The following RBM19 variants were observed in gnomAD, a reference collection of about 807,000 sequenced individuals.
The protein encoded by RBM19 is RNA binding motif protein 19.
A neutral mutation model predicts 116.8 loss-of-function variants in RBM19; 94 were observed. The observed-to-expected ratio is 0.80, with a 90% CI of 0.68 to 0.95. The LOEUF (loss-of-function observed/expected upper bound fraction) is 0.95. Ranked by LOEUF, RBM19 falls within the 40% of genes least tolerant of loss-of-function variation. The pLI, the probability that RBM19 is intolerant of heterozygous loss-of-function variation, is 0.00. For missense variants in RBM19, 1,161 were observed against 1,220.7 expected (o/e 0.95, Z 0.73); for synonymous variants, 475 against 494.1 (o/e 0.96, Z 0.51).
In RBM19 at chr12:113,940,080, G is replaced by C. The variant is rs2290790; in HGVS notation, c.1818C>G (p.Thr606=). The C allele has an allele frequency of 0.3, 485,335 of 1,613,962 alleles. 76,239 individuals carry two copies. The highest frequency in any genetic ancestry group is 0.38 in the Middle Eastern group (2,283 of 6,034). The change falls in exon 15 of 24, where the codon ACC becomes ACG. Residue 606 remains threonine, a synonymous_variant. Coordinates refer to ENST00000261741, the MANE Select transcript of RBM19 (RefSeq NM_016196.4). ...AGTLAAQLQE[T]FGHFGSLGRV... ...GGCCCAGGCTGCCAAAATGGCCGAA[G>C]GTCTCCTGCAGCTGGGCCGCCAGGG...
intron 21 of RBM19, 80 bp from the exon 22 acceptor site, chr12:113,858,976 A>G (rs971873279): frequency 1.6e-5 from 20 of 1,268,930 alleles, no homozygotes; most frequent in Non-Finnish European, 2.0e-5. Context: ...TGATTCTCAC[A>G]TGTAAATCCC....
At chr12:113,868,034 G>A (rs145817896) in intron 21 of RBM19, among the ~76,000 whole-genome samples, 416 of 152,280 alleles carry the variant, frequency 2.7e-3, no homozygotes, top group Non-Finnish European at 3.4e-3. Context: ...AGGCACCTTC[G>A]GTAGTCACAC....
At position 113,835,041 on chromosome 12, in the gene RBM19, C is replaced by T. The variant is rs183611459; in HGVS notation, c.2785+9627G>A. 4.3e-4 allele frequency among the ~76,000 whole-genome samples: 66 copies of T among 152,182 alleles called. 1 individual carries two copies. Among genetic ancestry groups the T allele is most frequent in the Admixed American group, 3.5e-3 (54 of 15,268 alleles). On this transcript the variant is annotated intron_variant, in intron 23 of 23. Coordinates refer to ENST00000261741, the MANE Select transcript of RBM19 (RefSeq NM_016196.4). ...TTGCCTTTTCAGACCAGCGGTGCTT[C>T]GAAGCACCCAGTCAGGAATATCTGG... is the stretch of plus-strand genomic sequence containing the variant.
chr12:113,858,940 C>T lies in RBM19; in HGVS notation c.2559-44G>A, dbSNP rs10744803. 0.65 allele frequency: 1,025,474 copies of T among 1,572,418 alleles called. 338,836 individuals are homozygous for T. The highest frequency in any genetic ancestry group is 0.98 in the East Asian group (43,597 of 44,590). ...ACATAGGGGTTTAAGAATAGAGGCC[C>T]GCAAGGGAGGTCGGGAAGGCAGGAC... On this transcript the variant is annotated intron_variant, in intron 21 of 23. Coordinates refer to ENST00000261741, the MANE Select transcript of RBM19 (RefSeq NM_016196.4).
intron 23 of RBM19, among the ~76,000 whole-genome samples, chr12:113,839,481 T>G (rs929580559): frequency 1.3e-5 from 2 of 152,186 alleles, no homozygotes; most frequent in African/African-American, 4.8e-5. Context: ...GGAGGACGGA[T>G]AGAGAGGTAA....
In RBM19 at chr12:113,958,000, T is replaced by C. The variant is rs150685892; in HGVS notation, c.622A>G (p.Met208Val). 2,369 of 1,614,134 alleles carry C rather than the reference T, an allele frequency of 1.5e-3. 12 individuals carry two copies. The highest frequency in any genetic ancestry group is 2.8e-3 in the South Asian group (252 of 91,082). The change falls in exon 6 of 24, where the codon ATG becomes GTG. Residue 208 changes from methionine (M) to valine (V), a missense_variant. By Grantham distance (21) the Met-to-Val change is conservative. Transcript: ENST00000261741. ...KAAVQKELSD[M>V]DYLKSKMVKA... ...ACCATCTTGGATTTCAGGTAATCCA[T>C]GTCCGACAGCTCCTTCTGCACAGCT...
At chr12:113,966,153 G>T in intron 1 of RBM19, 39 bp downstream of exon 1, 3 of 1,613,874 alleles carry the variant, frequency 1.9e-6, no homozygotes, top group Non-Finnish European at 1.7e-6. Context: ...CTCCCGGCTG[G>T]TCTCATTTCA....
chr12:113,865,260 G>T (rs1025095503), intron 21 of RBM19, among the ~76,000 whole-genome samples: 1 of 152,080 alleles, frequency 6.6e-6, no homozygotes, highest in African/African-American at 2.4e-5. Context: ...TGTATCACCT[G>T]GAACCCTGCT....
chr12:113,948,884 G>A lies in RBM19; in HGVS notation c.1225C>T (p.Leu409=), dbSNP rs776198574. ...TCCTCCTCGGTGCTGGTGTAGGGCA[G>A]GTTCCGTACAAAGAGCCTTCCGGAT... The part of the protein sequence containing the change: ...AESGRLFVRN[L]PYTSTEEDLE... Residue 409 remains leucine (L), a synonymous_variant, in exon 10 of 24, where the codon CTG becomes TTG. Coordinates refer to ENST00000261741, the MANE Select transcript of RBM19 (RefSeq NM_016196.4). 1 of 1,614,210 alleles carries A rather than the reference G, an allele frequency of 6.2e-7. No homozygotes were observed.
chr12:113,919,439 C>T (rs370083297), intron 19 of RBM19, among the ~76,000 whole-genome samples: 1 of 152,120 alleles, frequency 6.6e-6, no homozygotes, highest in African/African-American at 2.4e-5. Flanking sequence ...GGCTTGGTGG[C>T]GGGCGCCTGT....
In RBM19 at chr12:113,825,515, CAG is replaced by C. The variant is rs980203986; in HGVS notation, c.2786-2196_2786-2195del. On this transcript the variant is annotated intron_variant, in intron 23 of 23. Coordinates refer to ENST00000261741, the MANE Select transcript of RBM19 (RefSeq NM_016196.4). The surrounding 1 kb of genome is among the most constrained non-coding windows in gnomAD (Gnocchi z 5.7). ...AACTGGAAAATAGAACGCAACAAAA[CAG>C]GGCCCACAGGCGATCACTGACGCCC... 6.6e-6 allele frequency among the ~76,000 whole-genome samples: 1 copy of C among 152,164 alleles called. No homozygotes were observed. The highest frequency in any genetic ancestry group is 2.4e-5 in the African/African-American group (1 of 41,438).
intron 21 of RBM19, among the ~76,000 whole-genome samples, chr12:113,866,097 A>G (rs1374406520): frequency 6.6e-6 from 1 of 152,200 alleles, no homozygotes; most frequent in East Asian, 1.9e-4. Context: ...ATGGCTTTGG[A>G]AGCCATTTAA....
intron 21 of RBM19, among the ~76,000 whole-genome samples, chr12:113,905,129 G>A (rs1370419462): frequency 1.3e-5 from 2 of 152,198 alleles, no homozygotes; most frequent in Non-Finnish European, 2.9e-5. Context: ...AGTCAAGAAA[G>A]CCCAAAGACC....
At chr12:113,873,691 A>T (rs1280563650) in intron 21 of RBM19, among the ~76,000 whole-genome samples, 9 of 56,362 alleles carry the variant, frequency 1.6e-4, no homozygotes, top group African/African-American at 4.6e-4. Flanking sequence ...AAATAAATTA[A>T]AAAAAAAAAA....
chr12:113,928,199 T>C (rs1869281136), intron 16 of RBM19, among the ~76,000 whole-genome samples: 2 of 152,048 alleles, frequency 1.3e-5, no homozygotes, highest in South Asian at 4.1e-4. Flanking sequence ...TAGCCGGGCA[T>C]GGTGGTGGGC....
rs1871261519 is a variant in RBM19 at position 113,948,918 on chromosome 12, GTCC to G, written c.1188_1190del (p.Glu396del). On this transcript the variant is annotated inframe_deletion, in exon 10 of 24. Coordinates refer to ENST00000261741, the MANE Select transcript of RBM19 (RefSeq NM_016196.4). ...CAAAGAGCCTTCCGGATTCGGCCAGGTCCTCCTCCTCTTCGTTCTCCCCGAGTA... is the reference window on the plus strand; with the variant it reads ...CAAAGAGCCTTCCGGATTCGGCCAGGTCCTCCTCTTCGTTCTCCCCGAGTA... 1 of 1,614,176 alleles carries G rather than the reference GTCC, an allele frequency of 6.2e-7. No homozygotes were observed. The highest frequency in any genetic ancestry group is 8.5e-7 in the Non-Finnish European group (1 of 1,180,044).
chr12:113,890,078 C>T (rs1242509282), intron 21 of RBM19, among the ~76,000 whole-genome samples: 2 of 152,202 alleles, frequency 1.3e-5, no homozygotes, highest in African/African-American at 4.8e-5. Flanking sequence ...TGAACTCTGA[C>T]AAGCCTAAAT....
chr12:113,922,252 G>A (rs114485180), intron 18 of RBM19, among the ~76,000 whole-genome samples: 2,465 of 152,158 alleles, frequency 0.016, 72 homozygotes, highest in African/African-American at 0.054. Context: ...GCCACACGTC[G>A]GCCCCTTCCT....
chr12:113,819,696 C>T (rs1874291987), downstream of RBM19, among the ~76,000 whole-genome samples: 1 of 152,202 alleles, frequency 6.6e-6, no homozygotes, highest in Admixed American at 6.5e-5. Flanking sequence ...TCCCTTGCTG[C>T]CTTGGCTCAA....
Sources: allele counts gnomAD v4.1 joint callset (sites outside exome capture counted in the v4.1 genomes callset), GRCh38; gene constraint gnomAD v4.1.1; non-coding constraint Gnocchi (gnomAD v3.1); transcripts MANE v1.5; gene names NCBI Gene and HGNC (gene_info 2026-07-23, HGNC 2026-07-21).